SUPT3H: variants seen among roughly 807,000 people sequenced by gnomAD.
The protein encoded by SUPT3H is transcription initiation protein SPT3 homolog.
Under a neutral mutation model 44.3 loss-of-function variants are expected in SUPT3H, and 44 were observed. The ratio of observed to expected loss-of-function variants is 0.99; its 90% CI spans 0.78 to 1.28. SUPT3H has a LOEUF of 1.28. Among genes scored for constraint, SUPT3H ranks in the 50% most tolerant of loss-of-function variants. The pLI, the probability that SUPT3H is intolerant of heterozygous loss-of-function variation, is 0.00. For synonymous variants in SUPT3H, 124 were observed against 125.6 expected (o/e 0.99, Z 0.09); for missense variants, 380 against 387.1 (o/e 0.98, Z 0.15).
At chr6:44,925,053 T>C (rs979877277) in intron 10 of SUPT3H, among the ~76,000 whole-genome samples, 1 of 152,200 alleles carries the variant, frequency 6.6e-6, no homozygotes, top group African/African-American at 2.4e-5. Context: ...ACTTTTGTTT[T>C]TAAAAGTTCA....
chr6:44,824,765 T>C (rs2153406695), downstream of SUPT3H, among the ~76,000 whole-genome samples: 1 of 152,342 alleles, frequency 6.6e-6, no homozygotes, highest in African/African-American at 2.4e-5. Flanking sequence ...AAGCTGCTGC[T>C]AACTACTGAG....
At position 44,983,925 on chromosome 6, in the gene SUPT3H, T is replaced by G. The variant is rs568925374; in HGVS notation, c.504+19728A>C. ...TCTAAGATAACTGTACAGTATGCTC[T>G]GTAGCTTTTTAAAGAAAATTTAGAT... On this transcript the variant is annotated intron_variant, in intron 6 of 10. Coordinates refer to ENST00000371459, the MANE Select transcript of SUPT3H (RefSeq NM_003599.4). 5.9e-5 allele frequency among the ~76,000 whole-genome samples: 9 copies of G among 152,342 alleles called. No individual in the cohort carries two copies. In the South Asian group the frequency reaches 1.0e-3, roughly 18 times the overall value.
At chr6:45,214,015 C>CAAAACAAA in intron 2 of SUPT3H, among the ~76,000 whole-genome samples, 1 of 74,120 alleles carries the variant, frequency 1.3e-5, no homozygotes, top group Non-Finnish European at 2.4e-5. Flanking sequence ...TTTTGAAATG[C>CAAAACAAA]AAAAAAAAAA....
intron 3 of SUPT3H, among the ~76,000 whole-genome samples, chr6:45,033,635 C>T (rs1787276694): frequency 6.6e-6 from 1 of 152,098 alleles, no homozygotes; most frequent in Non-Finnish European, 1.5e-5. Flanking sequence ...CAGACAACTG[C>T]AAGATAGGTA....
intron 2 of SUPT3H, among the ~76,000 whole-genome samples, chr6:45,264,279 T>A (rs1406748991): frequency 2.0e-5 from 3 of 152,196 alleles, no homozygotes. Flanking sequence ...AGAAGTATTT[T>A]TATATACATT....
intron 10 of SUPT3H, among the ~76,000 whole-genome samples, chr6:44,919,460 G>GT (rs1768305089): frequency 2.6e-5 from 1 of 38,378 alleles, no homozygotes; most frequent in South Asian, 7.2e-4. Flanking sequence ...AAGCTATAGT[G>GT]TATTTTTTTT....
chr6:45,242,624 A>G (rs1253419640), intron 2 of SUPT3H, among the ~76,000 whole-genome samples: 1 of 152,212 alleles, frequency 6.6e-6, no homozygotes, highest in Non-Finnish European at 1.5e-5. Flanking sequence ...AAAGTATTCC[A>G]TACTAATTCT....
intron 2 of SUPT3H, among the ~76,000 whole-genome samples, chr6:45,142,425 C>A (rs923834812): frequency 7.9e-5 from 12 of 151,956 alleles, no homozygotes; most frequent in Admixed American, 6.6e-4. Context: ...ATATAAAGGG[C>A]CTAAATGCTC....
chr6:45,248,645 C>T (rs963915016), intron 2 of SUPT3H, among the ~76,000 whole-genome samples: 6 of 152,030 alleles, frequency 3.9e-5, no homozygotes, highest in East Asian at 3.9e-4. Context: ...ATTGGTCAGG[C>T]GTGGCTCTTG....
intron 3 of SUPT3H, among the ~76,000 whole-genome samples, chr6:45,094,429 T>G (rs114877121): frequency 1.2e-3 from 179 of 152,238 alleles, no homozygotes; most frequent in African/African-American, 4.1e-3. Flanking sequence ...AAAAACAATT[T>G]ATACTCTGAA....
Position 44,997,613 on chromosome 6 carries a change from G to T in SUPT3H, c.504+6040C>A, listed in dbSNP as rs73737813. Among the ~76,000 whole-genome samples, 593 of 151,854 alleles carry T rather than the reference G, an allele frequency of 3.9e-3. 7 individuals carry two copies. The highest frequency in any genetic ancestry group is 0.014 in the African/African-American group (565 of 41,502). On this transcript the variant is annotated intron_variant, in intron 6 of 10. Transcript: ENST00000371459. ...CCAAAATTAATAAATTATGTTATCT[G>T]TACATAATGATAAATTTTTGTCTCC...
chr6:44,928,882 C>CAAAATAAAAAAA (rs1491206167), intron 10 of SUPT3H, among the ~76,000 whole-genome samples: 3 of 20,642 alleles, frequency 1.5e-4, no homozygotes, highest in African/African-American at 3.1e-4. Flanking sequence ...GACTCCGTCT[C>CAAAATAAAAAAA]AAAAAAAAAA....
intron 10 of SUPT3H, among the ~76,000 whole-genome samples, chr6:44,913,150 C>T (rs943432827): frequency 6.6e-6 from 1 of 152,098 alleles, no homozygotes; most frequent in Non-Finnish European, 1.5e-5. Flanking sequence ...CCCTTTCTTC[C>T]CAAGGCTCAT....
intron 10 of SUPT3H, among the ~76,000 whole-genome samples, chr6:44,901,085 G>GAA (rs1255257875): frequency 1.2e-4 from 19 of 152,156 alleles, no homozygotes; most frequent in Non-Finnish European, 2.8e-4. Flanking sequence ...AAACAGAGCA[G>GAA]AAAAACTGGA....
chr6:45,026,541 TA>T (rs565247952), intron 3 of SUPT3H, among the ~76,000 whole-genome samples: 8 of 152,096 alleles, frequency 5.3e-5, no homozygotes, highest in Non-Finnish European at 1.2e-4. Flanking sequence ...ATATCTAATT[TA>T]AAAAATATAT....
At chr6:45,367,402 G>C (rs1341901195) in intron 1 of SUPT3H, among the ~76,000 whole-genome samples, 1 of 151,738 alleles carries the variant, frequency 6.6e-6, no homozygotes, top group Non-Finnish European at 1.5e-5. Context: ...TTTGGAATAA[G>C]TACTTTTCTC....
chr6:45,088,412 G>C (rs1036653603), intron 3 of SUPT3H, among the ~76,000 whole-genome samples: 2 of 152,024 alleles, frequency 1.3e-5, no homozygotes, highest in Middle Eastern at 3.4e-3. Flanking sequence ...AAATTTTTTG[G>C]CTGCCATTAA....
chr6:44,864,745 C>G (rs770805464), intron 10 of SUPT3H, among the ~76,000 whole-genome samples: 1 of 151,972 alleles, frequency 6.6e-6, no homozygotes, highest in Non-Finnish European at 1.5e-5. Flanking sequence ...TGGGCCCAGC[C>G]CACAAAAAAA....
chr6:44,903,680 A>G (rs992830052), intron 10 of SUPT3H, among the ~76,000 whole-genome samples: 1 of 152,230 alleles, frequency 6.6e-6, no homozygotes, highest in African/African-American at 2.4e-5. Flanking sequence ...AACTCATTTT[A>G]TGAGGCCAGC....
Sources: gnomAD v4.1 joint callset for allele counts (sites outside exome capture counted in the v4.1 genomes callset) on GRCh38, gnomAD v4.1.1 for gene constraint, MANE v1.5 for transcripts, NCBI Gene and HGNC (gene_info 2026-07-23, HGNC 2026-07-21) for gene names.